CLN3: variants seen among roughly 807,000 people sequenced by gnomAD.
CLN3 encodes the protein CLN3 lysosomal/endosomal transmembrane protein, battenin.
Under a neutral mutation model 60.7 loss-of-function variants are expected in CLN3, and 49 were observed. The ratio of observed to expected loss-of-function variants is 0.81; its 90% confidence interval spans 0.64 to 1.02. The LOEUF is 1.02. CLN3 is among the 50% of genes least tolerant of loss of function. The pLI is 0.00. For synonymous variants in CLN3, 256 were observed against 245.8 expected (o/e 1.04, Z -0.39); for missense variants, 516 against 557.4 (o/e 0.93, Z 0.75).
intron 10 of CLN3, among the ~76,000 whole-genome samples, chr16:28,483,713 CTT>C (rs755660742): frequency 2.8e-3 from 280 of 100,450 alleles, no homozygotes; most frequent in African/African-American, 0.012. Context: ...CCTTTCTTTT[CTT>C]TTTTTTTTTT....
downstream of CLN3, chr16:28,469,923 G>A (rs2045931645): frequency 7.2e-6 from 2 of 278,564 alleles, no homozygotes; most frequent in Admixed American, 5.0e-5. Flanking sequence ...AGTGAGCCGA[G>A]ATCTTGCCAC....
Position 28,482,138 on chromosome 16 carries a change from G to A in CLN3, c.1023C>T (p.Arg341=), listed in dbSNP as rs2141702659. The change falls in exon 14 of 16, where the codon CGC becomes CGT. Residue 341 remains arginine (R), a synonymous_variant. Coordinates refer to ENST00000636147, the MANE Select transcript of CLN3 (RefSeq NM_001042432.2). ...FASRSSLRCC[R]IRFTWALALL... ...GGGCCAGGGCCCAGGTGAAACGGAT[G>A]CGACAGCAGCGGAGAGAAGAGCGGG... The A allele has an allele frequency of 1.2e-6, 2 of 1,613,798 alleles. No homozygotes were observed. The highest frequency in any genetic ancestry group is 1.7e-6 in the Non-Finnish European group (2 of 1,179,940).
At chr16:28,485,233 A>G (rs1205355097) in intron 9 of CLN3, among the ~76,000 whole-genome samples, 1 of 148,078 alleles carries the variant, frequency 6.8e-6, no homozygotes, top group Non-Finnish European at 1.5e-5. Context: ...GTGAGCCACC[A>G]TGCCCGGCCA....
At chr16:28,489,576 C>T (rs2046278921) in intron 3 of CLN3, among the ~76,000 whole-genome samples, 190 bp from the exon 4 acceptor site, 1 of 152,020 alleles carries the variant, frequency 6.6e-6, no homozygotes, top group Non-Finnish European at 1.5e-5. Flanking sequence ...GATAGTGAGA[C>T]CCCCATCTCT....
chr16:28,482,760 C>T (rs2046124302), intron 10 of CLN3, 88 bp from the exon 11 acceptor site: 3 of 1,402,574 alleles, frequency 2.1e-6, no homozygotes, highest in Non-Finnish European at 3.0e-6. Context: ...ATTAACCAGA[C>T]CACGCAACAG....
At chr16:28,486,186 C>T (rs947160182) in intron 9 of CLN3, among the ~76,000 whole-genome samples, 161 bp downstream of exon 9, 4 of 151,962 alleles carry the variant, frequency 2.6e-5, no homozygotes, top group East Asian at 1.9e-4. Flanking sequence ...TTAGTAGAGA[C>T]GGGGTTTCAC....
chr16:28,473,156 G>C (rs570867688), downstream of CLN3, among the ~76,000 whole-genome samples: 6 of 152,106 alleles, frequency 3.9e-5, no homozygotes, highest in East Asian at 1.9e-4. Flanking sequence ...CCAGGCTGGA[G>C]TGCAATGGTT....
Position 28,486,570 on chromosome 16 carries a change from C to T in CLN3, c.533+8G>A. 6.2e-7 allele frequency: 1 copy of T among 1,610,002 alleles called. No individual in the cohort carries two copies. The highest frequency in any genetic ancestry group is 8.5e-7 in the Non-Finnish European group (1 of 1,178,242). On this transcript the variant is annotated splice_region_variant and intron_variant, in intron 8 of 15. Transcript: ENST00000636147. ...CCTCTCCCCACACTCCCTGCTCCAC[C>T]TGCTTACCTGGGGTAGAAGGCAGTG...
At chr16:28,486,751 A>T in intron 7 of CLN3, 101 bp from the exon 8 acceptor site, 1 of 1,110,940 alleles carries the variant, frequency 9.0e-7, no homozygotes. Context: ...CAGCTCATAG[A>T]GGCTCCAATA....
rs1227572317 is a variant in CLN3, at chr16:28,478,369, A to G, written c.1057-492T>C. On this transcript the variant is annotated intron_variant, in intron 14 of 15. Transcript: ENST00000636147. The stretch of plus-strand genomic sequence containing the variant: ...AGTGGCTCATGCAGGTAATACCAGC[A>G]CATTGGGAGACCAAGGTGGGATGAT... Among the ~76,000 whole-genome samples, 19 of 151,566 alleles carry G rather than the reference A, an allele frequency of 1.3e-4. 1 individual carries two copies.
At chr16:28,487,423 G>C in intron 7 of CLN3, 33 bp downstream of exon 7, 1 of 1,554,576 alleles carries the variant, frequency 6.4e-7, no homozygotes, top group African/African-American at 1.4e-5. Context: ...GGTTCCTCGG[G>C]GCTCCCCATC....
In CLN3 at chr16:28,491,526, C is replaced by T; in HGVS notation, c.81G>A (p.Leu27=). ...TCCAATGCGCGCCCTGATGGTCCAA[C>T]AGAGGGAGCCGGGGCTCCGGGACGG... is the stretch of plus-strand genomic sequence containing the variant. ...EETVPEPRLP[L]LDHQGAHWKN... Residue 27 remains leucine, a synonymous_variant, in exon 3 of 16, where the codon CTG becomes CTA. Transcript: ENST00000636147. 1 of 1,614,076 alleles carries T rather than the reference C, an allele frequency of 6.2e-7. No individual in the cohort carries two copies. Among genetic ancestry groups the T allele is most frequent in the South Asian group, 1.1e-5 (1 of 91,078 alleles).
Position 28,491,800 on chromosome 16 carries a change from G to A in CLN3, c.-41C>T. 1 of 1,610,506 alleles carries A rather than the reference G, an allele frequency of 6.2e-7. No homozygotes were observed. The highest frequency in any genetic ancestry group is 8.5e-7 in the Non-Finnish European group (1 of 1,179,086). On this transcript the variant is annotated 5_prime_UTR_variant, in exon 2 of 16. Coordinates refer to ENST00000636147, the MANE Select transcript of CLN3 (RefSeq NM_001042432.2). ...TCCCCCGAGGGTCCAGGGTCATAGA[G>A]TGTCCAAAGGGGGCTCCCACGGGAG...
At chr16:28,486,972 G>A (rs942010048) in intron 7 of CLN3, 38 of 403,334 alleles carry the variant, frequency 9.4e-5, no homozygotes, top group Non-Finnish European at 1.2e-4. Context: ...GTACAGTGGC[G>A]TGATCTCGGC....
At chr16:28,475,521 T>A, downstream of CLN3, 1 of 152,222 alleles carries the variant, frequency 6.6e-6, no homozygotes, top group Middle Eastern at 3.1e-3. Context: ...AATGGCAGGG[T>A]TGGCACCTGA....
In CLN3 at chr16:28,482,632, C is replaced by T. The variant is rs1142183; in HGVS notation, c.831G>A (p.Val277=). 1,213 of 1,614,088 alleles carry T rather than the reference C, an allele frequency of 7.5e-4. 2 individuals are homozygous for T. The highest frequency in any genetic ancestry group is 9.9e-4 in the Non-Finnish European group (1,171 of 1,180,062). Residue 277 remains valine, a synonymous_variant, in exon 11 of 16, where the codon GTG becomes GTA. Coordinates refer to ENST00000636147, the MANE Select transcript of CLN3 (RefSeq NM_001042432.2). ...SSLSLRERWT[V]FKGLLWYIVP... is the part of the protein sequence containing the mutation. ...CCCCAGCCATCATCCGAACCTTGAA[C>T]ACTGTCCACCTTTCCCGAAGGGAGA...
chr16:28,479,729 G>A (rs764186590), intron 14 of CLN3: 20 of 200,832 alleles, frequency 1.0e-4, no homozygotes, highest in Non-Finnish European at 2.1e-5. Flanking sequence ...AGATTGCACC[G>A]CTACATTCCA....
Position 28,486,427 on chromosome 16 carries a change from G to T in CLN3, c.597C>A (p.Tyr199Ter), listed in dbSNP as rs267606737. Reference protein sequence around the residue: ...GGAGLLGALSYLGLTQAGLSP... With the variant: ...GGAGLLGALS Reference sequence around the variant, plus strand: ...AGAGGCCGGCCTGGGTGAGGCCCAGGTAGGACAGGGCCCCCAGCAGCCCAG... The same window carrying T: ...AGAGGCCGGCCTGGGTGAGGCCCAGTTAGGACAGGGCCCCCAGCAGCCCAG... Residue 199 changes from tyrosine to a stop codon, truncating the protein, a stop_gained, in exon 9 of 16, where the codon TAC becomes TAA. Coordinates refer to ENST00000636147, the MANE Select transcript of CLN3 (RefSeq NM_001042432.2). LOFTEE classifies it high-confidence loss of function. The T allele has an allele frequency of 6.2e-7, 1 of 1,613,482 alleles. No individual in the cohort carries two copies. The highest frequency in any genetic ancestry group is 8.5e-7 in the Non-Finnish European group (1 of 1,179,890).
chr16:28,486,080 C>T (rs2046210175), intron 9 of CLN3, among the ~76,000 whole-genome samples: 1 of 151,884 alleles, frequency 6.6e-6, no homozygotes, highest in Non-Finnish European at 1.5e-5. Context: ...TCACTGCCAC[C>T]ACTGCCTCCG....
Sources: allele counts gnomAD v4.1 joint callset (sites outside exome capture counted in the v4.1 genomes callset), GRCh38; gene constraint gnomAD v4.1.1; transcripts MANE v1.5; gene names NCBI Gene and HGNC (gene_info 2026-07-23, HGNC 2026-07-21).